The following JMJD1C variants were observed in gnomAD, a reference collection of about 807,000 sequenced individuals.
JMJD1C encodes the protein jumonji domain containing 1C.
In JMJD1C, 31 loss-of-function variants were observed where a neutral mutation model predicts 245.3. That is an observed-to-expected ratio of 0.13 (90% confidence interval 0.09 to 0.17). JMJD1C has a LOEUF of 0.17. Among genes scored for constraint, JMJD1C ranks in the 10% least tolerant of loss-of-function variants. The pLI is 1.00. For missense variants in JMJD1C, 2,691 were observed against 3,000.2 expected, an observed-to-expected ratio of 0.90 and a Z score of 2.41; for synonymous variants, 1,057 against 1,017.4, an observed-to-expected ratio of 1.04 and a Z score of -0.74.
chr10:63,384,571 A>AC (rs1947447893), intron 1 of JMJD1C, among the ~76,000 whole-genome samples: 1 of 152,178 alleles, frequency 6.6e-6, no homozygotes, highest in African/African-American at 2.4e-5. Flanking sequence ...TCTGAGTAGT[A>AC]CATCTCAACA....
At chr10:63,449,177 T>C (rs1304899726) in intron 1 of JMJD1C, among the ~76,000 whole-genome samples, 2 of 152,150 alleles carry the variant, frequency 1.3e-5, no homozygotes, top group African/African-American at 4.8e-5. Context: ...ACTTGCTTTG[T>C]ATAGTAAATA....
Position 63,207,280 on chromosome 10 carries a change from T to A in JMJD1C, c.4389A>T (p.Thr1463=), listed in dbSNP as rs1392299550. ...TAPVTLASSK[T]GSVVQPSSGF... The stretch of plus-strand genomic sequence containing the variant: ...CAGAACTGGGTTGAACAACACTTCC[T>A]GTCTTACTACTGGCTAATGTAACTG... Residue 1463 remains threonine, a synonymous_variant, in exon 10 of 26, where the codon ACA becomes ACT. Coordinates refer to ENST00000399262, the MANE Select transcript of JMJD1C (RefSeq NM_032776.3). 3.7e-6 allele frequency: 6 copies of A among 1,613,856 alleles called. No homozygotes were observed. Among genetic ancestry groups the A allele is most frequent in the Non-Finnish European group, 5.1e-6 (6 of 1,180,032 alleles).
At chr10:63,402,581 T>C (rs1320889267) in intron 1 of JMJD1C, among the ~76,000 whole-genome samples, 4 of 152,112 alleles carry the variant, frequency 2.6e-5, no homozygotes, top group Non-Finnish European at 5.9e-5. Context: ...TAAACCAACA[T>C]TTCTGCACTT....
At chr10:63,472,918 G>A (rs2133156609) in intron 1 of JMJD1C, among the ~76,000 whole-genome samples, 1 of 152,078 alleles carries the variant, frequency 6.6e-6, no homozygotes, top group East Asian at 1.9e-4. Context: ...CCGAGTAGGT[G>A]GGACTACAGG....
upstream of JMJD1C, chr10:63,466,024 T>C: frequency 4.4e-6 from 1 of 228,252 alleles, no homozygotes; most frequent in Non-Finnish European, 8.6e-6. Flanking sequence ...CGCGTCTCCT[T>C]CCGCCGGCGC....
intron 3 of JMJD1C, among the ~76,000 whole-genome samples, chr10:63,255,302 T>C (rs974064719): frequency 1.3e-5 from 2 of 152,198 alleles, no homozygotes; most frequent in African/African-American, 2.4e-5. Context: ...CCCTATGCCA[T>C]CTATCTGTAA....
intron 1 of JMJD1C, among the ~76,000 whole-genome samples, chr10:63,479,045 G>T (rs1028496528): frequency 3.3e-5 from 5 of 152,074 alleles, no homozygotes. Flanking sequence ...TCCCTAGCAG[G>T]TGTTTTGTTT....
At chr10:63,454,057 A>G (rs1952243743) in intron 1 of JMJD1C, among the ~76,000 whole-genome samples, 1 of 151,908 alleles carries the variant, frequency 6.6e-6, no homozygotes, top group African/African-American at 2.4e-5. Flanking sequence ...ATTTTTTTCT[A>G]CTAGTCAGAA....
At chr10:63,333,370 C>G (rs1942366140) in intron 2 of JMJD1C, among the ~76,000 whole-genome samples, 1 of 152,014 alleles carries the variant, frequency 6.6e-6, no homozygotes, top group Admixed American at 6.6e-5. Flanking sequence ...GCTCAGGCAA[C>G]AGGGCGCAAC....
chr10:63,378,407 C>G (rs945463760), intron 2 of JMJD1C, among the ~76,000 whole-genome samples: 1 of 151,914 alleles, frequency 6.6e-6, no homozygotes, highest in East Asian at 1.9e-4. Context: ...CTGGCTAACA[C>G]GGTGAAACCC....
At chr10:63,511,721 A>C (rs1016157352) in intron 1 of JMJD1C, among the ~76,000 whole-genome samples, 7 of 152,050 alleles carry the variant, frequency 4.6e-5, no homozygotes, top group Admixed American at 4.6e-4. Context: ...CATCTCAAAA[A>C]AAAAAAAATA....
chr10:63,242,587 A>T (rs1851620935), intron 3 of JMJD1C, among the ~76,000 whole-genome samples: 1 of 152,192 alleles, frequency 6.6e-6, no homozygotes, highest in African/African-American at 2.4e-5. Flanking sequence ...TTAGCTGGGC[A>T]TGGTGGCACA....
intron 4 of JMJD1C, among the ~76,000 whole-genome samples, chr10:63,218,759 G>A (rs1848270872): frequency 6.6e-6 from 1 of 151,936 alleles, no homozygotes. Flanking sequence ...AAATTGCAAG[G>A]AAAGGGAAAA....
intron 13 of JMJD1C, among the ~76,000 whole-genome samples, chr10:63,196,690 C>G: frequency 6.6e-6 from 1 of 152,184 alleles, no homozygotes; most frequent in East Asian, 1.9e-4. Flanking sequence ...CAATATTAAT[C>G]CTCTTATTTC....
intron 2 of JMJD1C, among the ~76,000 whole-genome samples, chr10:63,327,671 AAT>A (rs1491365678): frequency 7.3e-5 from 11 of 149,806 alleles, no homozygotes; most frequent in South Asian, 2.1e-4. Context: ...ACACAGAAAA[AAT>A]TTTTTTTTTT....
intron 2 of JMJD1C, among the ~76,000 whole-genome samples, chr10:63,289,402 T>A (rs1858376566): frequency 6.6e-6 from 1 of 152,206 alleles, no homozygotes; most frequent in South Asian, 2.1e-4. Flanking sequence ...CTACTTGTGA[T>A]CTGAAATGAA....
chr10:63,349,461 TAAAA>T (rs1944154644), intron 2 of JMJD1C, among the ~76,000 whole-genome samples: 1 of 152,148 alleles, frequency 6.6e-6, no homozygotes, highest in East Asian at 1.9e-4. Flanking sequence ...GAGAAGAAAG[TAAAA>T]AATATAAATA....
intron 1 of JMJD1C, among the ~76,000 whole-genome samples, chr10:63,387,658 CGG>C (rs1404917143): frequency 7.7e-5 from 1 of 13,006 alleles, no homozygotes; most frequent in African/African-American, 2.6e-4. Flanking sequence ...TTTTTTGAGA[CGG>C]AGTCTCGCTC....
intron 1 of JMJD1C, among the ~76,000 whole-genome samples, chr10:63,517,743 CT>C (rs1955065298): frequency 6.6e-6 from 1 of 151,762 alleles, no homozygotes; most frequent in Non-Finnish European, 1.5e-5. Context: ...CCCAGTGCCC[CT>C]AGCACCTTAT....
Sources: gnomAD v4.1 joint callset for allele counts (sites outside exome capture counted in the v4.1 genomes callset) on GRCh38, gnomAD v4.1.1 for gene constraint, MANE v1.5 for transcripts, NCBI Gene and HGNC (gene_info 2026-07-23, HGNC 2026-07-21) for gene names.